Variants in DENND1A observed in about 807,000 individuals in gnomAD.
DENND1A encodes DENN domain containing 1A, also known as DENN domain-containing protein 1A.
DENND1A carries 51 observed loss-of-function variants against 113.7 expected under a neutral mutation model. The ratio of observed to expected loss-of-function variants is 0.45; its 90% CI spans 0.36 to 0.57. The LOEUF (loss-of-function observed/expected upper bound fraction) is 0.57. DENND1A is among the 20% of genes least tolerant of loss of function. The pLI, the probability that DENND1A is intolerant of heterozygous loss-of-function variation, is 0.00. For synonymous variants in DENND1A, 565 were observed against 570.8 expected (o/e 0.99, Z 0.14); for missense variants, 1,258 against 1,395.9 (o/e 0.90, Z 1.57).
chr9:123,641,246 T>G (rs2062010178), intron 9 of DENND1A, among the ~76,000 whole-genome samples: 1 of 152,138 alleles, frequency 6.6e-6, no homozygotes, highest in Admixed American at 6.5e-5. Context: ...TTAAGTAGAT[T>G]AAGATGTCAA....
chr9:123,583,242 A>G lies in DENND1A; in HGVS notation c.794T>C (p.Val265Ala), dbSNP rs771261080. 6.2e-7 allele frequency: 1 copy of G among 1,612,906 alleles called. No homozygotes were observed. The highest frequency in any genetic ancestry group is 1.1e-5 in the South Asian group (1 of 90,850). The change falls in exon 12 of 24, where the codon GTC becomes GCC. Residue 265 changes from valine (V) to alanine (A), a missense_variant. Val to Ala is a moderately conservative substitution (Grantham distance 64, BLOSUM62 0). Coordinates refer to ENST00000394215, the MANE Select transcript of DENND1A (RefSeq NM_001352964.2). The part of the protein sequence containing the change: ...EKVRNMALDD[V>A]VILNVDTNTL... ...GTTGGTGTCCACATTCAGGATCACG[A>G]CATCATCCAGGGCCATGTTTCTGAC...
chr9:123,843,837 T>C (rs1427715125), intron 2 of DENND1A, among the ~76,000 whole-genome samples: 2 of 152,182 alleles, frequency 1.3e-5, no homozygotes, highest in Non-Finnish European at 2.9e-5. Flanking sequence ...ATGAAACTCC[T>C]TGGAGATTGT....
chr9:123,381,433 C>G lies in DENND1A; in HGVS notation c.3212G>C (p.Ter1071SerextTer4). Residue 1071 changes from the stop codon to serine, a stop_lost, in exon 24 of 24, where the codon TGA becomes TCA. Transcript: ENST00000394215. The surrounding 1 kb of genome is among the most constrained non-coding windows in gnomAD (Gnocchi z 4.7). ...CATCCCCCACCCTCAGGGCCCGGCT[C>G]ACTCGAAGGTCTCCCACTGCTTCCT... is the stretch of plus-strand genomic sequence containing the variant. ...QLRKQWETFE[*>S] The G allele has an allele frequency of 6.2e-7, 1 of 1,612,960 alleles. No homozygotes were observed.
At chr9:123,480,820 G>A (rs781093914) in intron 13 of DENND1A, among the ~76,000 whole-genome samples, 3 of 152,156 alleles carry the variant, frequency 2.0e-5, no homozygotes, top group African/African-American at 7.2e-5. Flanking sequence ...GAATGAATAC[G>A]CTACACTCTT....
intron 2 of DENND1A, among the ~76,000 whole-genome samples, chr9:123,819,968 A>G (rs1838201346): frequency 6.6e-6 from 1 of 152,228 alleles, no homozygotes; most frequent in Admixed American, 6.5e-5. Context: ...GTAAAACTAA[A>G]TGACACTATT....
intron 8 of DENND1A, among the ~76,000 whole-genome samples, chr9:123,659,637 A>T (rs1453448453): frequency 6.6e-6 from 1 of 152,200 alleles, no homozygotes; most frequent in African/African-American, 2.4e-5. Context: ...TTAATACTTC[A>T]TGAGTTTCTC....
intron 2 of DENND1A, among the ~76,000 whole-genome samples, chr9:123,810,549 C>CAAAAAAAAAAA (rs1159557273): frequency 1.9e-4 from 9 of 46,378 alleles, no homozygotes; most frequent in Non-Finnish European, 2.6e-4. Flanking sequence ...CATGTCTCTA[C>CAAAAAAAAAAA]AAAAAAAAAA....
At chr9:123,835,619 CTCTTTA>C (rs1840938827) in intron 2 of DENND1A, among the ~76,000 whole-genome samples, 1 of 150,598 alleles carries the variant, frequency 6.6e-6, no homozygotes. Context: ...GTTTACCTAA[CTCTTTA>C]TCTTGGATAT....
chr9:123,447,210 G>C (rs1004714493), intron 18 of DENND1A, among the ~76,000 whole-genome samples: 1 of 152,302 alleles, frequency 6.6e-6, no homozygotes. Flanking sequence ...TCCCAATTTT[G>C]AGCAAGTCAG....
At chr9:123,808,129 G>A (rs1215557211) in intron 2 of DENND1A, among the ~76,000 whole-genome samples, 1 of 152,030 alleles carries the variant, frequency 6.6e-6, no homozygotes, top group African/African-American at 2.4e-5. Flanking sequence ...AGGAGGCTGA[G>A]GCAGGAGAAT....
At chr9:123,386,670 C>A (rs902342901) in intron 22 of DENND1A, among the ~76,000 whole-genome samples, 2 of 152,224 alleles carry the variant, frequency 1.3e-5, no homozygotes, top group Non-Finnish European at 2.9e-5. Flanking sequence ...AGGTGTGAGC[C>A]ACTGCGCTTG....
chr9:123,837,547 G>T (rs1254132419), intron 2 of DENND1A, among the ~76,000 whole-genome samples: 3 of 152,074 alleles, frequency 2.0e-5, no homozygotes, highest in African/African-American at 7.2e-5. Context: ...CCAGGGATAA[G>T]GTATGAATAA....
At chr9:123,399,503 G>A (rs1482692540) in intron 21 of DENND1A, among the ~76,000 whole-genome samples, 1 of 152,124 alleles carries the variant, frequency 6.6e-6, no homozygotes, top group Non-Finnish European at 1.5e-5. Context: ...GACTAGCTGG[G>A]ACTACAGGTA....
At chr9:123,697,848 A>G (rs2065624719) in intron 5 of DENND1A, among the ~76,000 whole-genome samples, 3 of 152,234 alleles carry the variant, frequency 2.0e-5, no homozygotes, top group Admixed American at 1.3e-4. Context: ...CTAATGGTAC[A>G]TAAGCCTTTA....
chr9:123,729,213 T>C (rs2067977199), intron 5 of DENND1A, among the ~76,000 whole-genome samples: 1 of 152,174 alleles, frequency 6.6e-6, no homozygotes, highest in Non-Finnish European at 1.5e-5. Flanking sequence ...AGGACAATGA[T>C]GCCCCCCTCA....
chr9:123,849,442 T>C (rs540575655), intron 2 of DENND1A, among the ~76,000 whole-genome samples: 106 of 152,318 alleles, frequency 7.0e-4, no homozygotes, highest in African/African-American at 2.5e-3. Context: ...CATTGAGTAA[T>C]GACACAAACC....
chr9:123,678,165 G>A (rs2064212613), intron 5 of DENND1A, among the ~76,000 whole-genome samples: 1 of 152,178 alleles, frequency 6.6e-6, no homozygotes, highest in Non-Finnish European at 1.5e-5. Flanking sequence ...TGGCATGTCT[G>A]TTTTCTCAAC....
intron 13 of DENND1A, among the ~76,000 whole-genome samples, chr9:123,465,166 G>A (rs2048839198): frequency 6.6e-6 from 1 of 150,914 alleles, no homozygotes; most frequent in Admixed American, 6.6e-5. Context: ...GGGCAACAGA[G>A]CAAGACTACG....
intron 2 of DENND1A, among the ~76,000 whole-genome samples, chr9:123,830,680 A>G (rs1451131868): frequency 1.3e-5 from 2 of 151,902 alleles, no homozygotes; most frequent in African/African-American, 2.4e-5. Flanking sequence ...CCTGGCCAAC[A>G]TGGTGAAACC....
Sources: allele counts gnomAD v4.1 joint callset (sites outside exome capture counted in the v4.1 genomes callset), GRCh38; gene constraint gnomAD v4.1.1; non-coding constraint Gnocchi (gnomAD v3.1); transcripts MANE v1.5; gene names NCBI Gene and HGNC (gene_info 2026-07-23, HGNC 2026-07-21).